RACK1: variants seen among roughly 807,000 people sequenced by gnomAD.
The protein encoded by RACK1 is receptor for activated C kinase 1, also known as small ribosomal subunit protein RACK1.
RACK1 carries 3 observed loss-of-function variants against 42.2 expected under a neutral mutation model. That is an observed-to-expected ratio of 0.07 (90% CI 0.03 to 0.18). RACK1 has a LOEUF of 0.18. RACK1 is among the 10% of genes least tolerant of loss of function. The pLI is 1.00. For synonymous variants in RACK1, 181 were observed against 154.8 expected, an observed-to-expected ratio of 1.17 and a Z score of -1.25; for missense variants, 146 against 403.2, an observed-to-expected ratio of 0.36 and a Z score of 5.46.
At chr5:181,242,997 T>A (rs976275889) in intron 1 of RACK1, 7 of 345,288 alleles carry the variant, frequency 2.0e-5, no homozygotes, top group African/African-American at 1.5e-4. Flanking sequence ...TGGGGCCTCC[T>A]ATGCCTACCT....
At position 181,236,964 on chromosome 5, in the gene RACK1, C is replaced by G. The variant is rs1315563292; in HGVS notation, c.*13G>C. On this transcript the variant is annotated 3_prime_UTR_variant, in exon 8 of 8. Transcript: ENST00000512805. ...CAGTTTTTTTTTTATTTGTAAAGCT[C>G]TGCCATAAACTTCTAGCGTGTGCCA... is the stretch of plus-strand genomic sequence containing the variant. 3 of 1,585,442 alleles carry G rather than the reference C, an allele frequency of 1.9e-6. No individual in the cohort carries two copies. The Admixed American group carries it at 5.8e-5, about 31-fold the overall frequency.
rs1256515890 is a variant in RACK1 at position 181,236,912 on chromosome 5, A to G, written c.*65T>C. On this transcript the variant is annotated 3_prime_UTR_variant, in exon 8 of 8. Coordinates refer to ENST00000512805, the MANE Select transcript of RACK1 (RefSeq NM_006098.5). ...AGAATGGAGCTTTTTTGCATATAAGAAAAAAAAACCTAAAAGTCAGAAAAG... is the reference window on the plus strand; with the variant it reads ...AGAATGGAGCTTTTTTGCATATAAGGAAAAAAAACCTAAAAGTCAGAAAAG... 3.9e-6 allele frequency: 6 copies of G among 1,524,180 alleles called. No individual in the cohort carries two copies. Among genetic ancestry groups the G allele is most frequent in the Non-Finnish European group, 5.3e-6 (6 of 1,142,434 alleles). The allele number at this position is 1,524,180 out of a possible 1,614,324, so 94.4% of individuals were successfully genotyped here.
intron 7 of RACK1, 186 bp from the exon 8 acceptor site, chr5:181,237,228 A>T (rs988204471): frequency 4.4e-6 from 5 of 1,143,352 alleles, no homozygotes; most frequent in African/African-American, 1.5e-5. Flanking sequence ...CTCCCACCTC[A>T]GCCTCCAGTA....
At chr5:181,242,995 C>T in intron 1 of RACK1, 1 of 345,110 alleles carries the variant, frequency 2.9e-6, no homozygotes, top group Non-Finnish European at 5.7e-6. Flanking sequence ...GCTGGGGCCT[C>T]CTATGCCTAC....
chr5:181,243,200 G>A (rs1759419928), intron 1 of RACK1: 6 of 1,138,404 alleles, frequency 5.3e-6, no homozygotes, highest in Admixed American at 2.3e-5. Flanking sequence ...AACGCAGTCA[G>A]GAACACAGGG....
rs78628339 is a variant in RACK1 at position 181,243,230 on chromosome 5, G to C, written c.109+462C>G. On this transcript the variant is annotated intron_variant, in intron 1 of 7. Coordinates refer to ENST00000512805, the MANE Select transcript of RACK1 (RefSeq NM_006098.5). ...ACAGGGATAGGGACGGGGAGAACCA[G>C]GGGCAGAAAAAGTAGGCCGACACTT... The C allele has an allele frequency of 1.9e-5, 25 of 1,319,044 alleles. No homozygotes were observed. The East Asian group carries it at 1.1e-3, about 59-fold the overall frequency. 81.7% of individuals were successfully genotyped at this position (1,319,044 alleles called of 1,614,324 possible). A position where few individuals can be genotyped will look rare whatever the true frequency, so the allele number is the denominator to read the frequency against.
Position 181,243,246 on chromosome 5 carries a change from G to C in RACK1, c.109+446C>G, listed in dbSNP as rs780227985. ...GGAGAACCAGGGGCAGAAAAAGTAG[G>C]CCGACACTTGAGCCACGAGGTCCTC... is the stretch of plus-strand genomic sequence containing the variant. On this transcript the variant is annotated intron_variant, in intron 1 of 7. Coordinates refer to ENST00000512805, the MANE Select transcript of RACK1 (RefSeq NM_006098.5). The C allele has an allele frequency of 2.2e-6, 3 of 1,340,790 alleles. No individual in the cohort carries two copies. In the East Asian group the frequency reaches 1.4e-4, roughly 64 times the overall value. The allele number at this position is 1,340,790 out of a possible 1,614,324, so 83.1% of individuals were successfully genotyped here.
intron 6 of RACK1, 77 bp from the exon 7 acceptor site, chr5:181,237,796 A>C: frequency 4.6e-6 from 4 of 877,664 alleles, no homozygotes; most frequent in South Asian, 1.4e-5. Context: ...CAAGATTCTC[A>C]AGTTAAAAAG....
chr5:181,236,911 GAAAA>G lies in RACK1; in HGVS notation c.*62_*65del. The G allele has an allele frequency of 2.7e-6, 4 of 1,493,496 alleles. No individual in the cohort carries two copies. The highest frequency in any genetic ancestry group is 3.6e-6 in the Non-Finnish European group (4 of 1,119,696). 92.5% of individuals were successfully genotyped at this position (1,493,496 alleles called of 1,614,324 possible). On this transcript the variant is annotated 3_prime_UTR_variant, in exon 8 of 8. Coordinates refer to ENST00000512805, the MANE Select transcript of RACK1 (RefSeq NM_006098.5). The stretch of plus-strand genomic sequence containing the variant: ...TAGAATGGAGCTTTTTTGCATATAA[GAAAA>G]AAAAACCTAAAAGTCAGAAAAGCCA...
At chr5:181,238,008 A>C (rs1258685534) in intron 6 of RACK1, 91 bp downstream of exon 6, 1 of 1,383,762 alleles carries the variant, frequency 7.2e-7, no homozygotes, top group Non-Finnish European at 1.0e-6. Context: ...CTTAGCTCCC[A>C]GGTGGGAGTC....
chr5:181,243,750 C>G lies in RACK1; in HGVS notation c.51G>C (p.Trp17Cys). ...GCGGGGTAGTAGCGATCTGGGTTACCCAGCCGTTGTGGCCCTTGAGGGTGC... is the reference window on the plus strand; with the variant it reads ...GCGGGGTAGTAGCGATCTGGGTTACGCAGCCGTTGTGGCCCTTGAGGGTGC... The part of the protein sequence containing the change: ...LRGTLKGHNG[W>C]VTQIATTPQF... The change falls in exon 1 of 8, where the codon TGG becomes TGC. Residue 17 changes from tryptophan (W) to cysteine (C), a missense_variant. Trp to Cys is a radical substitution (Grantham distance 215, BLOSUM62 -2). Coordinates refer to ENST00000512805, the MANE Select transcript of RACK1 (RefSeq NM_006098.5). 1 of 1,610,116 alleles carries G rather than the reference C, an allele frequency of 6.2e-7. No individual in the cohort carries two copies. The highest frequency in any genetic ancestry group is 8.5e-7 in the Non-Finnish European group (1 of 1,178,374).
At chr5:181,240,982 G>C (rs1213986768) in intron 3 of RACK1, 1 of 152,988 alleles carries the variant, frequency 6.5e-6, no homozygotes, top group Admixed American at 6.5e-5. Context: ...TACAAAACCG[G>C]GCATGGTGGC....
Position 181,241,644 on chromosome 5 carries a change from G to A in RACK1, c.282-5C>T. On this transcript the variant is annotated splice_region_variant and splice_polypyrimidine_tract_variant and intron_variant, in intron 2 of 7. Coordinates refer to ENST00000512805, the MANE Select transcript of RACK1 (RefSeq NM_006098.5). ...AATCGCCTCGTGGTGGTGCCCCTGA[G>A]AGGGAGGAGTTTGTCATTCTCAGAC... 12 of 1,613,958 alleles carry A rather than the reference G, an allele frequency of 7.4e-6. No individual in the cohort carries two copies. The highest frequency in any genetic ancestry group is 1.0e-5 in the Non-Finnish European group (12 of 1,179,914).
chr5:181,237,773 C>T (rs1458561012), intron 6 of RACK1, 54 bp from the exon 7 acceptor site: 7 of 985,648 alleles, frequency 7.1e-6, no homozygotes, highest in Non-Finnish European at 1.1e-5. Context: ...AGAGTCTCCT[C>T]TTAAAAGCCC....
chr5:181,241,447 A>C (rs764671302), intron 3 of RACK1, 45 bp downstream of exon 3: 12 of 1,514,174 alleles, frequency 7.9e-6, no homozygotes, highest in Non-Finnish European at 9.8e-6. Flanking sequence ...AAAAAAAGCA[A>C]AGTTTAAGAG....
chr5:181,237,967 C>G (rs1229399443), intron 6 of RACK1, 132 bp downstream of exon 6: 1 of 983,652 alleles, frequency 1.0e-6, no homozygotes, highest in East Asian at 2.4e-5. Flanking sequence ...GTTACTCAGA[C>G]CAAAATGTCA....
intron 3 of RACK1, 149 bp from the exon 4 acceptor site, chr5:181,239,731 A>G: frequency 1.8e-6 from 1 of 568,880 alleles, no homozygotes; most frequent in South Asian, 2.2e-5. Flanking sequence ...ATCCCTTTAG[A>G]TTCCAGACAA....
At chr5:181,237,468 G>A in intron 7 of RACK1, 141 bp downstream of exon 7, 1 of 676,326 alleles carries the variant, frequency 1.5e-6, no homozygotes, top group Non-Finnish European at 2.7e-6. Context: ...GGCAAACGAG[G>A]GCATCCTCAT....
rs1759451428 is a variant in RACK1, at chr5:181,243,861, A to G, written c.-61T>C. ...GGATGGCACTGGATGGCTTAGAGAA[A>G]CTAGCACCACAACCTCTCCTGCCGC... On this transcript the variant is annotated 5_prime_UTR_variant, in exon 1 of 8. Transcript: ENST00000512805. 6.5e-7 allele frequency: 1 copy of G among 1,527,886 alleles called. No individual in the cohort carries two copies. The highest frequency in any genetic ancestry group is 8.8e-7 in the Non-Finnish European group (1 of 1,134,126). 94.6% of individuals were successfully genotyped at this position (1,527,886 alleles called of 1,614,324 possible). A position where few individuals can be genotyped will look rare whatever the true frequency, so the allele number is the denominator to read the frequency against.
Sources: allele counts gnomAD v4.1 joint callset, GRCh38; gene constraint gnomAD v4.1.1; transcripts MANE v1.5; gene names NCBI Gene and HGNC (gene_info 2026-07-23, HGNC 2026-07-21).